Variants in ARHGEF1 observed in about 807,000 individuals in gnomAD.
ARHGEF1 encodes 115 kDa guanine nucleotide exchange factor.
In ARHGEF1, 40 loss-of-function variants were observed where a neutral mutation model predicts 119.7. That is an observed-to-expected ratio of 0.33 (90% CI 0.26 to 0.44). The LOEUF is 0.44. Ranked by LOEUF, ARHGEF1 falls within the 20% of genes least tolerant of loss-of-function variation. The pLI, the probability that ARHGEF1 is intolerant of heterozygous loss-of-function variation, is 1.00. For missense variants in ARHGEF1, 976 were observed against 1,268.3 expected, an observed-to-expected ratio of 0.77 and a Z score of 3.50; for synonymous variants, 494 against 521.0, an observed-to-expected ratio of 0.95 and a Z score of 0.71.
At position 41,904,767 on chromosome 19, in the gene ARHGEF1, T is replaced by A. The variant is rs532051802; in HGVS notation, c.2162-182T>A. Among the ~76,000 whole-genome samples the A allele has an allele frequency of 3.4e-4, 52 of 151,908 alleles. 3 individuals are homozygous for A. The South Asian group carries it at 0.011, about 31-fold the overall frequency. On this transcript the variant is annotated intron_variant, in intron 22 of 28. Coordinates refer to ENST00000354532, the MANE Select transcript of ARHGEF1 (RefSeq NM_004706.4). This position sits in a 1 kb window ranked among gnomAD's most constrained non-coding sequence, Gnocchi z 8.4. ...ACATGCCCGATTCCATAAGGAGGTG[T>A]GAGAGGTGGGGCTCAGGAGGACACA...
At chr19:41,918,518 TCACA>T (rs1411197534), upstream of ARHGEF1, among the ~76,000 whole-genome samples, 13 of 103,428 alleles carry the variant, frequency 1.3e-4, no homozygotes, top group Admixed American at 1.8e-4. Context: ...ACCACACACA[TCACA>T]CACACACCAT....
In ARHGEF1 at chr19:41,902,073, C is replaced by T; in HGVS notation, c.1414+40C>T. The T allele has an allele frequency of 1.2e-6, 2 of 1,603,962 alleles. No individual in the cohort carries two copies. Among genetic ancestry groups the T allele is most frequent in the Non-Finnish European group, 1.7e-6 (2 of 1,173,422 alleles). ...AGGGTCCCTCTGTGTACCCCACTGC[C>T]CCACGGGCAGCTCTGCTCTAGCCCT... On this transcript the variant is annotated intron_variant, in intron 15 of 28. Coordinates refer to ENST00000354532, the MANE Select transcript of ARHGEF1 (RefSeq NM_004706.4). The surrounding 1 kb of genome is among the most constrained non-coding windows in gnomAD (Gnocchi z 6.5).
chr19:41,924,546 A>G (rs2074860578), intron 1 of ARHGEF1, among the ~76,000 whole-genome samples: 1 of 151,940 alleles, frequency 6.6e-6, no homozygotes, highest in South Asian at 2.1e-4. Context: ...CGTTGTCGCC[A>G]TCAGTATATA....
At chr19:41,897,016 A>T (rs781945779) in intron 13 of ARHGEF1, 1 of 383,174 alleles carries the variant, frequency 2.6e-6, no homozygotes, top group South Asian at 1.7e-5. Context: ...CCCACCTTCC[A>T]TCCCCCTCCG....
intron 1 of ARHGEF1, chr19:41,928,828 A>G: frequency 2.2e-6 from 1 of 447,180 alleles, no homozygotes; most frequent in South Asian, 1.6e-5. Flanking sequence ...GCTCCTCCCT[A>G]AGTGGACGCG....
At chr19:41,893,084 G>T in intron 7 of ARHGEF1, 190 bp from the exon 8 acceptor site, 4 of 1,001,028 alleles carry the variant, frequency 4.0e-6, no homozygotes, top group Non-Finnish European at 5.7e-6. Context: ...TCTGGCACTT[G>T]GATCCCATCC....
chr19:41,909,007 C>G, downstream of ARHGEF1: 1 of 1,087,126 alleles, frequency 9.2e-7, no homozygotes, highest in Non-Finnish European at 1.2e-6. This position sits in a 1 kb window ranked among gnomAD's most constrained non-coding sequence, Gnocchi z 5.2. Flanking sequence ...TTCCCTCAAG[C>G]CTGCAGCTTC....
At position 41,902,068 on chromosome 19, in the gene ARHGEF1, A is replaced by G. The variant is rs1555849132; in HGVS notation, c.1414+35A>G. 6.2e-7 allele frequency: 1 copy of G among 1,605,306 alleles called. No individual in the cohort carries two copies. The highest frequency in any genetic ancestry group is 8.5e-7 in the Non-Finnish European group (1 of 1,174,194). On this transcript the variant is annotated intron_variant, in intron 15 of 28. Transcript: ENST00000354532. This position sits in a 1 kb window ranked among gnomAD's most constrained non-coding sequence, Gnocchi z 6.5. ...GAGCCAGGGTCCCTCTGTGTACCCC[A>G]CTGCCCCACGGGCAGCTCTGCTCTA...
At chr19:41,923,658 G>A (rs1443832098) in intron 1 of ARHGEF1, among the ~76,000 whole-genome samples, 14 of 101,712 alleles carry the variant, frequency 1.4e-4, no homozygotes, top group African/African-American at 4.7e-4. Flanking sequence ...AGGGAGGGGC[G>A]GTGTGGGAGG....
At position 41,892,457 on chromosome 19, in the gene ARHGEF1, C is replaced by T; in HGVS notation, c.367+84C>T. 6.2e-7 allele frequency: 1 copy of T among 1,602,582 alleles called. No homozygotes were observed. Among genetic ancestry groups the T allele is most frequent in the Non-Finnish European group, 8.5e-7 (1 of 1,171,120 alleles). On this transcript the variant is annotated intron_variant, in intron 6 of 28. Coordinates refer to ENST00000354532, the MANE Select transcript of ARHGEF1 (RefSeq NM_004706.4). The surrounding 1 kb of genome is among the most constrained non-coding windows in gnomAD (Gnocchi z 6.3). ...GCCAAGGGGAGGGAGGCCGCACTCC[C>T]ATGCTCTGCTCGGACAGCCGAGATT...
intron 13 of ARHGEF1, chr19:41,898,014 G>A: frequency 5.3e-6 from 7 of 1,331,358 alleles, no homozygotes; most frequent in Non-Finnish European, 6.7e-6. Flanking sequence ...TCCCGGGGCA[G>A]CCTCGGGGCT....
downstream of ARHGEF1, chr19:41,909,049 C>G: frequency 8.2e-7 from 1 of 1,218,524 alleles, no homozygotes; most frequent in South Asian, 4.2e-5. The surrounding 1 kb of genome is among the most constrained non-coding windows in gnomAD (Gnocchi z 5.2). Flanking sequence ...CCAGAACCTC[C>G]AGGCTCTTAC....
chr19:41,926,524 C>T (rs2074871240), intron 1 of ARHGEF1, among the ~76,000 whole-genome samples: 1 of 152,134 alleles, frequency 6.6e-6, no homozygotes, highest in Non-Finnish European at 1.5e-5. Flanking sequence ...CGATTTCTCT[C>T]GCTCCCCTGT....
Position 41,902,145 on chromosome 19 carries a change from A to C in ARHGEF1, c.1414+112A>C. Reference sequence around the variant, plus strand: ...CCCAGGGTTCACATGGGGTGGGGGCAGATACGCCATCCGGTCCCGAGGATC... The same window carrying C: ...CCCAGGGTTCACATGGGGTGGGGGCCGATACGCCATCCGGTCCCGAGGATC... On this transcript the variant is annotated intron_variant, in intron 15 of 28. Transcript: ENST00000354532. The surrounding 1 kb of genome is among the most constrained non-coding windows in gnomAD (Gnocchi z 6.5). The C allele has an allele frequency of 1.9e-6, 3 of 1,557,174 alleles. No homozygotes were observed. The highest frequency in any genetic ancestry group is 2.6e-6 in the Non-Finnish European group (3 of 1,141,504).
downstream of ARHGEF1, chr19:41,908,926 T>TAC (rs1242788869): frequency 1.1e-5 from 6 of 531,664 alleles, no homozygotes; most frequent in East Asian, 3.5e-5. This position sits in a 1 kb window ranked among gnomAD's most constrained non-coding sequence, Gnocchi z 6.7. Flanking sequence ...TTCTGGGTTT[T>TAC]ACACACACAC....
At chr19:41,922,196 G>A (rs145802967), upstream of ARHGEF1, among the ~76,000 whole-genome samples, 49 of 152,272 alleles carry the variant, frequency 3.2e-4, no homozygotes, top group African/African-American at 1.2e-3. Flanking sequence ...AAGGGCCAGG[G>A]CTCAGGCATC....
At chr19:41,897,734 TC>T in intron 13 of ARHGEF1, 1 of 469,500 alleles carries the variant, frequency 2.1e-6, no homozygotes, top group South Asian at 5.4e-5. Flanking sequence ...CCTGTCTCTG[TC>T]CCTGTCCTGG....
rs1443610467 is a variant in ARHGEF1 at position 41,904,775 on chromosome 19, G to A, written c.2162-174G>A. Among the ~76,000 whole-genome samples the A allele has an allele frequency of 2.6e-5, 4 of 152,114 alleles. No homozygotes were observed. The highest frequency in any genetic ancestry group is 9.7e-5 in the African/African-American group (4 of 41,412). The stretch of plus-strand genomic sequence containing the variant: ...GATTCCATAAGGAGGTGTGAGAGGT[G>A]GGGCTCAGGAGGACACATCGGGCCC... On this transcript the variant is annotated intron_variant, in intron 22 of 28. Transcript: ENST00000354532. The surrounding 1 kb of genome is among the most constrained non-coding windows in gnomAD (Gnocchi z 8.4).
chr19:41,897,752 C>T (rs1482700469), intron 13 of ARHGEF1: 1 of 506,304 alleles, frequency 2.0e-6, no homozygotes, highest in Non-Finnish European at 3.3e-6. Flanking sequence ...CTGGTCTCTC[C>T]CCGTCTCTGT....
Sources: allele counts gnomAD v4.1 joint callset (sites outside exome capture counted in the v4.1 genomes callset), GRCh38; gene constraint gnomAD v4.1.1; non-coding constraint Gnocchi (gnomAD v3.1); transcripts MANE v1.5; gene names NCBI Gene and HGNC (gene_info 2026-07-23, HGNC 2026-07-21).